Variants in MEI4 observed in about 807,000 individuals in gnomAD.
MEI4 encodes the protein meiotic double-stranded break formation protein 4.
Under a neutral mutation model 31.4 loss-of-function variants are expected in MEI4, and 27 were observed. The observed-to-expected ratio is 0.86, with a 90% CI of 0.63 to 1.19. The LOEUF (loss-of-function observed/expected upper bound fraction) is 1.19, where lower values mean the gene tolerates loss of function less well. MEI4 is among the 50% of genes most tolerant of loss of function. The pLI is 0.00. For missense variants in MEI4, 329 were observed against 398.9 expected, an observed-to-expected ratio of 0.82 and a Z score of 1.49; for synonymous variants, 122 against 145.4, an observed-to-expected ratio of 0.84 and a Z score of 1.16.
intron 4 of MEI4, among the ~76,000 whole-genome samples, chr6:77,873,863 T>C (rs1352711548): frequency 2.6e-5 from 4 of 152,218 alleles, no homozygotes; most frequent in Admixed American, 6.5e-5. Context: ...AAATAGGGAA[T>C]CCCTTCCCCA....
intron 3 of MEI4, among the ~76,000 whole-genome samples, chr6:77,764,000 G>T (rs1434518589): frequency 6.6e-6 from 1 of 152,198 alleles, no homozygotes; most frequent in African/African-American, 2.4e-5. Context: ...TTTTAGTAGA[G>T]ATGGGGTTTC....
chr6:77,859,630 T>A (rs192754537), intron 4 of MEI4, among the ~76,000 whole-genome samples: 35 of 152,332 alleles, frequency 2.3e-4, no homozygotes, highest in Non-Finnish European at 4.4e-4. Flanking sequence ...ATGTTGAGCT[T>A]TTTTTCATAT....
At chr6:77,790,252 TGGGGTGG>T (rs1768880512) in intron 3 of MEI4, among the ~76,000 whole-genome samples, 1 of 105,550 alleles carries the variant, frequency 9.5e-6, no homozygotes, top group Non-Finnish European at 1.9e-5. Flanking sequence ...GGGCCTGTTG[TGGGGTGG>T]GGGGAGGGGG....
At chr6:77,675,718 A>G (rs1180526629) in intron 1 of MEI4, among the ~76,000 whole-genome samples, 3 of 152,140 alleles carry the variant, frequency 2.0e-5, no homozygotes, top group African/African-American at 2.4e-5. Flanking sequence ...AGGGAAAACC[A>G]TAGATATAAC....
intron 2 of MEI4, among the ~76,000 whole-genome samples, chr6:77,699,555 G>A (rs930159292): frequency 6.6e-6 from 1 of 152,124 alleles, no homozygotes; most frequent in East Asian, 1.9e-4. Context: ...TGGTTTGATC[G>A]TCTGAAGCCT....
intron 4 of MEI4, among the ~76,000 whole-genome samples, chr6:77,861,469 ATTTATG>A (rs1276380692): frequency 6.6e-6 from 1 of 152,200 alleles, no homozygotes; most frequent in African/African-American, 2.4e-5. Context: ...TAGATGAACT[ATTTATG>A]TCAACATAGA....
chr6:77,790,892 A>T (rs1027453490), intron 3 of MEI4, among the ~76,000 whole-genome samples: 1 of 152,226 alleles, frequency 6.6e-6, no homozygotes, highest in African/African-American at 2.4e-5. Flanking sequence ...GACACTTCTC[A>T]AAAGAAGACA....
chr6:77,841,333 A>ATTTTTTTTTTT (rs1239589008), intron 4 of MEI4, among the ~76,000 whole-genome samples: 7 of 27,736 alleles, frequency 2.5e-4, no homozygotes, highest in African/African-American at 9.8e-4. Flanking sequence ...ATATATATAT[A>ATTTTTTTTTTT]TTTTTTTTTT....
chr6:77,864,089 A>G (rs1394377045), intron 4 of MEI4, among the ~76,000 whole-genome samples: 1 of 152,206 alleles, frequency 6.6e-6, no homozygotes, highest in African/African-American at 2.4e-5. Flanking sequence ...AGCACTAAAC[A>G]TGGAAAGGAA....
At chr6:77,701,287 G>T (rs16889323) in intron 2 of MEI4, among the ~76,000 whole-genome samples, 29,992 of 152,100 alleles carry the variant, frequency 0.2, 3,219 homozygotes, top group African/African-American at 0.27. Flanking sequence ...ACAGAGACTA[G>T]CCAGGAAGAT....
chr6:77,832,158 T>A (rs1031426578), intron 4 of MEI4, among the ~76,000 whole-genome samples: 6 of 152,034 alleles, frequency 3.9e-5, no homozygotes, highest in African/African-American at 1.4e-4. Context: ...CTAACAGATT[T>A]TCCAACCTAA....
At chr6:77,701,488 A>T (rs1305098298) in intron 2 of MEI4, among the ~76,000 whole-genome samples, 1 of 152,134 alleles carries the variant, frequency 6.6e-6, no homozygotes, top group African/African-American at 2.4e-5. Flanking sequence ...TGATATTCAT[A>T]GGAGGGAAGT....
At chr6:77,884,530 A>C (rs2127729911) in intron 4 of MEI4, among the ~76,000 whole-genome samples, 1 of 152,308 alleles carries the variant, frequency 6.6e-6, no homozygotes, top group Non-Finnish European at 1.5e-5. Context: ...TGATTTTTAT[A>C]TATCATGAGA....
chr6:77,759,486 C>T (rs1767997193), intron 2 of MEI4, among the ~76,000 whole-genome samples: 1 of 152,152 alleles, frequency 6.6e-6, no homozygotes, highest in Non-Finnish European at 1.5e-5. Context: ...CTCCAGCTGC[C>T]TCAGAATTTA....
In MEI4 at chr6:77,708,067, C is replaced by T. The variant is rs898024316; in HGVS notation, c.232+17164C>T. On this transcript the variant is annotated intron_variant, in intron 2 of 4. Coordinates refer to ENST00000684080, the MANE Select transcript of MEI4 (RefSeq NM_001322247.2). ...ACAAGAGTTCCCACTGGGGCACTGT[C>T]TAGTGGAGCTGTGAGAATGGGACTG... Among the ~76,000 whole-genome samples the T allele has an allele frequency of 1.2e-4, 18 of 152,288 alleles. No individual in the cohort carries two copies. The East Asian group carries it at 2.5e-3, about 21-fold the overall frequency.
chr6:77,790,412 CATTG>C (rs943112526), intron 3 of MEI4, among the ~76,000 whole-genome samples: 2 of 151,612 alleles, frequency 1.3e-5, no homozygotes, highest in Non-Finnish European at 2.9e-5. Context: ...AAGAAAATAA[CATTG>C]AATGATAAAA....
At chr6:77,669,279 AAC>A (rs1768694216) in intron 1 of MEI4, among the ~76,000 whole-genome samples, 3 of 152,162 alleles carry the variant, frequency 2.0e-5, no homozygotes, top group Admixed American at 6.5e-5. Context: ...ACACATCAAA[AAC>A]ACAGATGAAG....
rs1333743471 is a variant in MEI4, at chr6:77,926,693, C to G, written c.*3347C>G. 1.3e-5 allele frequency: 2 copies of G among 151,960 alleles called. No individual in the cohort carries two copies. The highest frequency in any genetic ancestry group is 2.4e-5 in the African/African-American group (1 of 41,494). The allele number at this position is 151,960 out of a possible 1,614,324, so 9.4% of individuals were successfully genotyped here. A position where few individuals can be genotyped will look rare whatever the true frequency, so the allele number is the denominator to read the frequency against. On this transcript the variant is annotated 3_prime_UTR_variant, in exon 5 of 5. Coordinates refer to ENST00000684080, the MANE Select transcript of MEI4 (RefSeq NM_001322247.2). ...TTGTAACCTAATTTCATTTATTCATCAAATATGAAGCACCAATTGTCTACA... is the reference window on the plus strand; with the variant it reads ...TTGTAACCTAATTTCATTTATTCATGAAATATGAAGCACCAATTGTCTACA...
At chr6:77,735,339 A>C (rs1561964803) in intron 2 of MEI4, among the ~76,000 whole-genome samples, 1 of 151,512 alleles carries the variant, frequency 6.6e-6, no homozygotes, top group East Asian at 1.9e-4. Flanking sequence ...ATTTCTTTTT[A>C]TTCTTTTTTC....
Sources: allele counts gnomAD v4.1 joint callset (sites outside exome capture counted in the v4.1 genomes callset), GRCh38; gene constraint gnomAD v4.1.1; transcripts MANE v1.5; gene names NCBI Gene and HGNC (gene_info 2026-07-23, HGNC 2026-07-21).